The following IL1RAPL1 variants were observed in gnomAD, a reference collection of about 807,000 sequenced individuals.
The protein encoded by IL1RAPL1 is interleukin 1 receptor accessory protein like 1.
In IL1RAPL1, 3 loss-of-function variants were observed where a neutral mutation model predicts 48.4. The ratio of observed to expected loss-of-function variants is 0.06; its 90% CI spans 0.03 to 0.16. The LOEUF (loss-of-function observed/expected upper bound fraction) is 0.16, where lower values mean the gene tolerates loss of function less well. IL1RAPL1 is among the 10% of genes least tolerant of loss of function. The pLI is 1.00. For missense variants in IL1RAPL1, 349 were observed against 530.6 expected (o/e 0.66, Z 3.36); for synonymous variants, 185 against 187.7 (o/e 0.99, Z 0.12).
At chrX:28,666,893 C>T (rs780494170) in intron 1 of IL1RAPL1, among the ~76,000 whole-genome samples, 10 of 111,468 alleles carry the variant, frequency 9.0e-5, no homozygotes, top group South Asian at 7.6e-4. Context: ...AATTGCACCA[C>T]GTATTGGGGG....
At chrX:29,821,295 A>T (rs187862744) in intron 6 of IL1RAPL1, among the ~76,000 whole-genome samples, 118 of 109,335 alleles carry the variant, frequency 1.1e-3, no homozygotes, top group Non-Finnish European at 1.8e-3. Flanking sequence ...TAAAAAATAC[A>T]AAAAATTAGC....
At chrX:28,875,455 A>G (rs1891627392) in intron 2 of IL1RAPL1, among the ~76,000 whole-genome samples, 1 of 112,509 alleles carries the variant, frequency 8.9e-6, no homozygotes, top group African/African-American at 3.2e-5. Context: ...AATGGGCTAA[A>G]ACTGAAAAAA....
At chrX:28,940,107 C>A (rs751164158) in intron 2 of IL1RAPL1, among the ~76,000 whole-genome samples, 56 of 111,217 alleles carry the variant, frequency 5.0e-4, no homozygotes, top group African/African-American at 1.5e-3. Flanking sequence ...ACAGAAATAA[C>A]AGAAAAAGAT....
intron 6 of IL1RAPL1, among the ~76,000 whole-genome samples, chrX:29,794,065 T>G (rs1415406217): frequency 8.9e-6 from 1 of 112,010 alleles, no homozygotes; most frequent in Non-Finnish European, 1.9e-5. Context: ...ATTGTAAGTT[T>G]AACACAGGGA....
chrX:29,904,484 C>T (rs921817546), intron 6 of IL1RAPL1, among the ~76,000 whole-genome samples: 5 of 110,575 alleles, frequency 4.5e-5, no homozygotes, highest in Non-Finnish European at 9.5e-5. Context: ...TTTTAAGCCC[C>T]GCATGCATTA....
intron 2 of IL1RAPL1, among the ~76,000 whole-genome samples, chrX:29,004,686 A>G (rs1191923814): frequency 9.0e-6 from 1 of 111,628 alleles, no homozygotes; most frequent in African/African-American, 3.3e-5. Context: ...AAACCTGAAG[A>G]AAATATTCCT....
chrX:29,420,357 A>C (rs760492502), intron 5 of IL1RAPL1, among the ~76,000 whole-genome samples: 11 of 112,760 alleles, frequency 9.8e-5, no homozygotes, highest in Non-Finnish European at 1.9e-4. Context: ...TAAGCTACAC[A>C]GCTGCCACTT....
chrX:28,945,120 T>C lies in IL1RAPL1; in HGVS notation c.82+155695T>C, dbSNP rs769278632. On this transcript the variant is annotated intron_variant, in intron 2 of 10. Coordinates refer to ENST00000378993, the MANE Select transcript of IL1RAPL1 (RefSeq NM_014271.4). ...GGAACAATAAATTCTGGCGAGGCTA[T>C]GGAGAAATAGGAATGCTTTTACACT... Among the ~76,000 whole-genome samples the C allele has an allele frequency of 3.9e-3, 432 of 111,552 alleles. 4 individuals carry two copies. The highest frequency in any genetic ancestry group is 0.013 in the African/African-American group (406 of 30,759).
intron 2 of IL1RAPL1, among the ~76,000 whole-genome samples, chrX:29,148,855 A>G (rs957160517): frequency 3.6e-5 from 4 of 111,581 alleles, no homozygotes; most frequent in African/African-American, 9.8e-5. Context: ...TTTCCCATAA[A>G]AAGAACAGAC....
chrX:28,819,387 T>C (rs191893492), intron 2 of IL1RAPL1, among the ~76,000 whole-genome samples: 79 of 111,362 alleles, frequency 7.1e-4, no homozygotes, highest in African/African-American at 2.4e-3. Flanking sequence ...TTTCTTCATT[T>C]ACTGAAGGGT....
At chrX:29,566,042 G>A (rs1226536757) in intron 5 of IL1RAPL1, among the ~76,000 whole-genome samples, 1 of 109,443 alleles carries the variant, frequency 9.1e-6, no homozygotes, top group African/African-American at 3.3e-5. Context: ...TCTGCCTCCC[G>A]GGTTCACGCC....
intron 3 of IL1RAPL1, among the ~76,000 whole-genome samples, chrX:29,317,164 C>G (rs1932773610): frequency 9.0e-6 from 1 of 111,653 alleles, no homozygotes; most frequent in Admixed American, 9.5e-5. Context: ...ATTTTGGGCC[C>G]TTGTGTCACA....
At chrX:29,082,825 T>G (rs967293060) in intron 2 of IL1RAPL1, among the ~76,000 whole-genome samples, 2 of 112,176 alleles carry the variant, frequency 1.8e-5, no homozygotes, top group African/African-American at 3.2e-5. Flanking sequence ...ACGATGATGT[T>G]TCTGCATAGT....
intron 1 of IL1RAPL1, among the ~76,000 whole-genome samples, chrX:28,780,858 T>A (rs1482141354): frequency 9.1e-6 from 1 of 110,459 alleles, no homozygotes. Flanking sequence ...TACAGCATTA[T>A]ATTATGCTTT....
intron 6 of IL1RAPL1, among the ~76,000 whole-genome samples, chrX:29,751,899 T>C (rs1453248108): frequency 9.3e-6 from 1 of 107,356 alleles, no homozygotes; most frequent in African/African-American, 3.4e-5. Context: ...ACAGCTGTGC[T>C]CCAGCCTGGA....
intron 2 of IL1RAPL1, among the ~76,000 whole-genome samples, chrX:28,840,834 T>C (rs1016635996): frequency 1.8e-5 from 2 of 110,499 alleles, no homozygotes; most frequent in Admixed American, 1.9e-4. Flanking sequence ...CAGTAGTAAC[T>C]GGAGCTGTGG....
At chrX:29,663,100 T>C (rs866003890) in intron 5 of IL1RAPL1, among the ~76,000 whole-genome samples, 8 of 112,452 alleles carry the variant, frequency 7.1e-5, no homozygotes, top group Admixed American at 1.9e-4. Context: ...TATTAGAAAC[T>C]AATGTTTAAA....
intron 5 of IL1RAPL1, among the ~76,000 whole-genome samples, chrX:29,573,870 A>G (rs1922680194): frequency 9.0e-6 from 1 of 111,573 alleles, no homozygotes; most frequent in Non-Finnish European, 1.9e-5. Context: ...TCCCCCGTGG[A>G]TGGATGAGAT....
intron 3 of IL1RAPL1, among the ~76,000 whole-genome samples, chrX:29,391,216 C>G (rs1377202761): frequency 9.0e-6 from 1 of 110,973 alleles, no homozygotes; most frequent in Non-Finnish European, 1.9e-5. Context: ...TGCATATCAA[C>G]TCTGAATTGT....
Sources: allele counts gnomAD v4.1 joint callset (sites outside exome capture counted in the v4.1 genomes callset), GRCh38; gene constraint gnomAD v4.1.1; transcripts MANE v1.5; gene names NCBI Gene and HGNC (gene_info 2026-07-23, HGNC 2026-07-21).